MAF: variants seen among roughly 807,000 people sequenced by gnomAD.
MAF encodes transcription factor Maf.
In MAF, 10 loss-of-function variants were observed where a neutral mutation model predicts 22.0. The observed-to-expected ratio is 0.45, with a 90% confidence interval of 0.28 to 0.77. The LOEUF is 0.77. Ranked by LOEUF, MAF falls within the 30% of genes least tolerant of loss-of-function variation. The probability of loss-of-function intolerance (pLI) is 0.12; values close to 1 mark genes in which losing one functional copy is unlikely to be tolerated. For synonymous variants in MAF, 337 were observed against 255.8 expected (o/e 1.32, Z -3.03); for missense variants, 544 against 548.4 (o/e 0.99, Z 0.08).
At chr16:79,302,507 A>G in the MAF span, among the ~76,000 whole-genome samples, 31 of 152,264 alleles carry the variant, frequency 2.0e-4, no homozygotes, top group East Asian at 5.8e-3. Flanking sequence ...TTCACCTTCA[A>G]ATCAAGTTGC....
the MAF span, chr16:79,212,385 G>C: frequency 3.9e-5 from 19 of 481,290 alleles, no homozygotes; most frequent in African/African-American, 2.9e-4. Context: ...AGAACTACCA[G>C]GTGGCAAAGT....
the MAF span, among the ~76,000 whole-genome samples, chr16:79,535,466 A>C: frequency 6.6e-6 from 1 of 151,438 alleles, no homozygotes; most frequent in Non-Finnish European, 1.5e-5. Flanking sequence ...AGGTGTGTGA[A>C]AATATCTTTG....
chr16:79,367,902 GGCTCTGC>G, the MAF span, among the ~76,000 whole-genome samples: 6 of 152,284 alleles, frequency 3.9e-5, no homozygotes, highest in East Asian at 1.2e-3. Flanking sequence ...AGATCTCACA[GGCTCTGC>G]CAGAGGAGAA....
chr16:79,359,095 G>T, the MAF span, among the ~76,000 whole-genome samples: 1 of 152,164 alleles, frequency 6.6e-6, no homozygotes, highest in Non-Finnish European at 1.5e-5. Context: ...CCGGAAGCTG[G>T]CATGGGTTTG....
chr16:79,452,639 T>G, the MAF span, among the ~76,000 whole-genome samples: 1 of 152,206 alleles, frequency 6.6e-6, no homozygotes, highest in Non-Finnish European at 1.5e-5. Flanking sequence ...TGCATCAGAC[T>G]TGCTATTGCT....
At chr16:79,322,935 G>A in the MAF span, among the ~76,000 whole-genome samples, 1 of 151,826 alleles carries the variant, frequency 6.6e-6, no homozygotes, top group Non-Finnish European at 1.5e-5. Flanking sequence ...CAGATCATGA[G>A]GTCAGGAGAT....
the MAF span, among the ~76,000 whole-genome samples, chr16:79,362,483 T>C: frequency 1.3e-5 from 2 of 152,098 alleles, no homozygotes; most frequent in Admixed American, 6.5e-5. Context: ...CAGCCCTCAG[T>C]GCATGAAAAG....
At chr16:79,485,600 T>G in the MAF span, among the ~76,000 whole-genome samples, 8 of 152,174 alleles carry the variant, frequency 5.3e-5, no homozygotes, top group Non-Finnish European at 7.3e-5. Context: ...ACTGACAATC[T>G]GAGACAACAA....
chr16:79,250,780 G>A, the MAF span, among the ~76,000 whole-genome samples: 10 of 152,234 alleles, frequency 6.6e-5, no homozygotes, highest in South Asian at 1.9e-3. Context: ...CATGAGCTTC[G>A]GTTTCCAGCT....
At chr16:79,325,675 G>A in the MAF span, among the ~76,000 whole-genome samples, 4 of 151,828 alleles carry the variant, frequency 2.6e-5, no homozygotes, top group Admixed American at 2.0e-4. Flanking sequence ...AAAACTAGAA[G>A]AACAAAGCAA....
At chr16:79,274,921 T>C in the MAF span, among the ~76,000 whole-genome samples, 1 of 152,356 alleles carries the variant, frequency 6.6e-6, no homozygotes. Flanking sequence ...AGTAGCTGTG[T>C]GATTTTGTGT....
chr16:79,435,526 C>T, the MAF span, among the ~76,000 whole-genome samples: 1 of 152,200 alleles, frequency 6.6e-6, no homozygotes, highest in African/African-American at 2.4e-5. Context: ...TCATGCCTTA[C>T]AACCAGGCCA....
At chr16:79,513,287 G>T in the MAF span, among the ~76,000 whole-genome samples, 1 of 152,222 alleles carries the variant, frequency 6.6e-6, no homozygotes, top group African/African-American at 2.4e-5. Context: ...ACAGAAACAT[G>T]ATTTTTAATT....
chr16:79,454,207 G>A, the MAF span, among the ~76,000 whole-genome samples: 2 of 152,290 alleles, frequency 1.3e-5, no homozygotes, highest in East Asian at 1.9e-4. Flanking sequence ...CCATGGAGAG[G>A]CTGAACTTCA....
the MAF span, among the ~76,000 whole-genome samples, chr16:79,501,231 C>G: frequency 6.6e-6 from 1 of 152,216 alleles, no homozygotes; most frequent in South Asian, 2.1e-4. Flanking sequence ...CAGCATCTGC[C>G]TCCTTGAAGG....
At chr16:79,504,799 C>G in the MAF span, among the ~76,000 whole-genome samples, 1 of 152,166 alleles carries the variant, frequency 6.6e-6, no homozygotes, top group East Asian at 1.9e-4. Context: ...TATTTTCTTG[C>G]CAGAGTTTGG....
At position 79,599,858 on chromosome 16, in the gene MAF, A is replaced by G; in HGVS notation, c.45T>C (p.Ser15=). 1 of 1,609,028 alleles carries G rather than the reference A, an allele frequency of 6.2e-7. No individual in the cohort carries two copies. Among genetic ancestry groups the G allele is most frequent in the Non-Finnish European group, 8.5e-7 (1 of 1,179,808 alleles). ...LAMSNSDLPT[S]PLAMEYVNDF... Reference sequence around the variant, plus strand: ...CATTAACATATTCCATGGCCAGGGGACTGGTGGGCAGGTCGGAGTTGCTCA... The same window carrying G: ...CATTAACATATTCCATGGCCAGGGGGCTGGTGGGCAGGTCGGAGTTGCTCA... The change falls in exon 1 of 2, where the codon AGT becomes AGC. Residue 15 remains serine (S), a synonymous_variant. Transcript: ENST00000326043.
the MAF span, among the ~76,000 whole-genome samples, chr16:79,568,156 T>C: frequency 6.6e-6 from 1 of 152,298 alleles, no homozygotes; most frequent in African/African-American, 2.4e-5. Context: ...GTCGCTAAAA[T>C]CCATTTTGCA....
the MAF span, among the ~76,000 whole-genome samples, chr16:79,478,098 G>C: frequency 6.6e-6 from 1 of 152,144 alleles, no homozygotes; most frequent in Non-Finnish European, 1.5e-5. Context: ...CTAAAGCTTA[G>C]AGAGCACCTT....
Sources: allele counts gnomAD v4.1 joint callset (sites outside exome capture counted in the v4.1 genomes callset), GRCh38; gene constraint gnomAD v4.1.1; transcripts MANE v1.5; gene names NCBI Gene and HGNC (gene_info 2026-07-23, HGNC 2026-07-21).